The following GABRG3 variants were observed in gnomAD, a reference collection of about 807,000 sequenced individuals.
GABRG3 encodes gamma-aminobutyric acid receptor subunit gamma-3.
GABRG3 carries 25 observed loss-of-function variants against 48.8 expected under a neutral mutation model. That is an observed-to-expected ratio of 0.51 (90% CI 0.37 to 0.72). The LOEUF is 0.72. Ranked by LOEUF, GABRG3 falls within the 30% of genes least tolerant of loss-of-function variation. The pLI, the probability that GABRG3 is intolerant of heterozygous loss-of-function variation, is 0.00. For missense variants in GABRG3, 394 were observed against 577.9 expected, an observed-to-expected ratio of 0.68 and a Z score of 3.26; for synonymous variants, 227 against 217.6, an observed-to-expected ratio of 1.04 and a Z score of -0.38.
chr15:27,183,750 C>T (rs7167088), intron 3 of GABRG3, among the ~76,000 whole-genome samples: 7,897 of 152,252 alleles, frequency 0.052, 339 homozygotes, highest in African/African-American at 0.12. Context: ...TGTTCCGTTC[C>T]TTTCAGGCAA....
At position 27,145,789 on chromosome 15, in the gene GABRG3, A is replaced by G. The variant is rs117117801; in HGVS notation, c.270+118968A>G. Among the ~76,000 whole-genome samples the G allele has an allele frequency of 3.5e-3, 536 of 152,188 alleles. 7 individuals are homozygous for G. Among genetic ancestry groups the G allele is most frequent in the Non-Finnish European group, 5.7e-3 (385 of 68,002 alleles). ...TCTCAATGGACTCTCAATAGGAAAAACTCAGAGATTCATGCTGGATACAGT... is the reference window on the plus strand; with the variant it reads ...TCTCAATGGACTCTCAATAGGAAAAGCTCAGAGATTCATGCTGGATACAGT... On this transcript the variant is annotated intron_variant, in intron 3 of 9. Coordinates refer to ENST00000615808, the MANE Select transcript of GABRG3 (RefSeq NM_033223.5).
intron 3 of GABRG3, among the ~76,000 whole-genome samples, chr15:27,307,457 TTATATATTTA>T: frequency 2.9e-5 from 2 of 69,204 alleles, no homozygotes; most frequent in Non-Finnish European, 6.2e-5. Flanking sequence ...ACATATAGGT[TTATATATTTA>T]TATATAAACA....
At chr15:27,046,462 A>G (rs578240367) in intron 3 of GABRG3, among the ~76,000 whole-genome samples, 1 of 152,296 alleles carries the variant, frequency 6.6e-6, no homozygotes, top group African/African-American at 2.4e-5. Context: ...TCACTCCTGT[A>G]TTCTCCAGCT....
chr15:27,227,036 T>C (rs1225294396), intron 3 of GABRG3, among the ~76,000 whole-genome samples: 1 of 152,202 alleles, frequency 6.6e-6, no homozygotes, highest in Non-Finnish European at 1.5e-5. Flanking sequence ...AAGTAAACCA[T>C]GTTTCACATG....
At chr15:27,048,764 C>G (rs1045681440) in intron 3 of GABRG3, among the ~76,000 whole-genome samples, 1 of 152,230 alleles carries the variant, frequency 6.6e-6, no homozygotes, top group African/African-American at 2.4e-5. Context: ...ATGTCACCAT[C>G]ATGTGGCTTC....
At chr15:27,364,601 G>C (rs1304167184) in intron 5 of GABRG3, 2 of 152,190 alleles carry the variant, frequency 1.3e-5, no homozygotes, top group Non-Finnish European at 2.9e-5. Context: ...TTGTGTCTCT[G>C]GTTTTTCACC....
intron 3 of GABRG3, among the ~76,000 whole-genome samples, chr15:27,214,981 G>A (rs1035377253): frequency 5.9e-5 from 9 of 152,158 alleles, no homozygotes; most frequent in East Asian, 1.9e-4. Context: ...TATTAGTATC[G>A]TCGTTGGTAT....
chr15:27,153,206 A>G, intron 3 of GABRG3, among the ~76,000 whole-genome samples: 1 of 152,026 alleles, frequency 6.6e-6, no homozygotes, highest in Non-Finnish European at 1.5e-5. Context: ...CAAGGTTCAC[A>G]TTTTTGCTTA....
intron 5 of GABRG3, among the ~76,000 whole-genome samples, chr15:27,370,483 G>GGGTC (rs1895373010): frequency 6.6e-6 from 1 of 152,154 alleles, no homozygotes; most frequent in African/African-American, 2.4e-5. Context: ...ATTTGTTAAT[G>GGGTC]ACTCCACTTG....
At chr15:27,082,351 A>G (rs969755673) in intron 3 of GABRG3, among the ~76,000 whole-genome samples, 1 of 152,240 alleles carries the variant, frequency 6.6e-6, no homozygotes, top group Non-Finnish European at 1.5e-5. Context: ...TTGTAGAAGA[A>G]AGATTCCAGA....
At chr15:27,284,051 G>C (rs987454629) in intron 3 of GABRG3, among the ~76,000 whole-genome samples, 2 of 152,090 alleles carry the variant, frequency 1.3e-5, no homozygotes, top group African/African-American at 4.8e-5. Flanking sequence ...TGCAAGGGGG[G>C]AGGCAGAGTA....
In GABRG3 at chr15:27,459,871, A is replaced by G. The variant is rs532437888; in HGVS notation, c.575-20779A>G. 8.4e-4 allele frequency among the ~76,000 whole-genome samples: 128 copies of G among 152,260 alleles called. 2 individuals are homozygous for G. In the South Asian group the frequency reaches 0.027, roughly 32 times the overall value. On this transcript the variant is annotated intron_variant, in intron 5 of 9. Transcript: ENST00000615808. ...TTCTTGCTAGCAAGTGTAACTTTTC[A>G]TTATCATCCAAGAGTTGAACTTGCA...
In GABRG3 at chr15:27,178,216, A is replaced by T. The variant is rs199954141; in HGVS notation, c.271-148593A>T. ...AAGTTATTAACTCTTGGGCTAATGG[A>T]GTATTGTGTGGAAAGAGTTGATGGT... On this transcript the variant is annotated intron_variant, in intron 3 of 9. Coordinates refer to ENST00000615808, the MANE Select transcript of GABRG3 (RefSeq NM_033223.5). Among the ~76,000 whole-genome samples, 28 of 152,286 alleles carry T rather than the reference A, an allele frequency of 1.8e-4. No individual in the cohort carries two copies. The East Asian group carries it at 4.4e-3, about 24-fold the overall frequency.
At chr15:27,460,302 C>T (rs886905524) in intron 5 of GABRG3, among the ~76,000 whole-genome samples, 9 of 152,192 alleles carry the variant, frequency 5.9e-5, no homozygotes, top group African/African-American at 2.2e-4. Flanking sequence ...TTCATGCCAC[C>T]CGTGTCCCTG....
intron 5 of GABRG3, among the ~76,000 whole-genome samples, chr15:27,393,344 CAAAAAAA>C (rs34689012): frequency 3.5e-5 from 4 of 113,004 alleles, no homozygotes; most frequent in African/African-American, 7.0e-5. Context: ...ACTCCGTCTC[CAAAAAAA>C]AAAAAAAAAA....
intron 3 of GABRG3, among the ~76,000 whole-genome samples, chr15:27,123,968 C>T (rs574966746): frequency 5.9e-5 from 9 of 152,286 alleles, no homozygotes; most frequent in South Asian, 2.1e-4. Context: ...GACACCCAGG[C>T]GGCCGGAGCC....
At chr15:27,416,129 G>A (rs555204020) in intron 5 of GABRG3, among the ~76,000 whole-genome samples, 2 of 152,276 alleles carry the variant, frequency 1.3e-5, no homozygotes, top group South Asian at 4.1e-4. Context: ...ATACTTTTTG[G>A]CTTACATGTC....
intron 3 of GABRG3, among the ~76,000 whole-genome samples, chr15:27,306,630 A>G (rs1327475272): frequency 1.7e-5 from 2 of 116,346 alleles, no homozygotes; most frequent in Non-Finnish European, 3.6e-5. Context: ...TATAATATAA[A>G]CATATATTTA....
rs548822469 is a variant in GABRG3 at position 27,256,274 on chromosome 15, T to C, written c.271-70535T>C. On this transcript the variant is annotated intron_variant, in intron 3 of 9. Transcript: ENST00000615808. Reference sequence around the variant, plus strand: ...TGGCTAACATGGTGAAACCCGTCTCTACTAAAAATACAAAAAATTAGCCGG... The same window carrying C: ...TGGCTAACATGGTGAAACCCGTCTCCACTAAAAATACAAAAAATTAGCCGG... 3.6e-3 allele frequency among the ~76,000 whole-genome samples: 542 copies of C among 151,834 alleles called. 2 individuals carry two copies. The highest frequency in any genetic ancestry group is 0.013 in the African/African-American group (522 of 41,410).
Sources: allele counts gnomAD v4.1 joint callset (sites outside exome capture counted in the v4.1 genomes callset), GRCh38; gene constraint gnomAD v4.1.1; transcripts MANE v1.5; gene names NCBI Gene and HGNC (gene_info 2026-07-23, HGNC 2026-07-21).